FBXW7: variants seen among roughly 807,000 people sequenced by gnomAD.
FBXW7 encodes the protein F-box and WD repeat domain containing 7.
Under a neutral mutation model 86.3 loss-of-function variants are expected in FBXW7, and 11 were observed. The observed-to-expected ratio is 0.13, with a 90% CI of 0.08 to 0.21. The LOEUF (loss-of-function observed/expected upper bound fraction) is 0.21. Among genes scored for constraint, FBXW7 ranks in the 10% least tolerant of loss-of-function variants. FBXW7 has a pLI of 1.00. For synonymous variants in FBXW7, 313 were observed against 297.9 expected, an observed-to-expected ratio of 1.05 and a Z score of -0.52; for missense variants, 488 against 847.4, an observed-to-expected ratio of 0.58 and a Z score of 5.27.
intron 4 of FBXW7, among the ~76,000 whole-genome samples, chr4:152,378,559 C>T (rs1008304708): frequency 2.0e-5 from 3 of 152,150 alleles, no homozygotes; most frequent in Non-Finnish European, 4.4e-5. Context: ...AATAAACCAA[C>T]AATTGCATGT....
intron 2 of FBXW7, among the ~76,000 whole-genome samples, chr4:152,431,396 C>A (rs914148328): frequency 6.6e-5 from 10 of 152,122 alleles, no homozygotes; most frequent in African/African-American, 2.4e-4. Flanking sequence ...GAAAAAAAAG[C>A]TGATTTGTTA....
intron 2 of FBXW7, among the ~76,000 whole-genome samples, chr4:152,463,341 A>G (rs1743128939): frequency 6.6e-6 from 1 of 152,088 alleles, no homozygotes; most frequent in African/African-American, 2.4e-5. Flanking sequence ...GTCACCAGAA[A>G]CTTCGTTGTA....
intron 2 of FBXW7, among the ~76,000 whole-genome samples, chr4:152,420,318 C>T (rs1388900959): frequency 6.6e-6 from 1 of 152,164 alleles, no homozygotes; most frequent in Non-Finnish European, 1.5e-5. Context: ...ACTTCTCTTG[C>T]TATTTCTACC....
At chr4:152,481,361 A>G (rs1744859595) in intron 2 of FBXW7, among the ~76,000 whole-genome samples, 1 of 152,182 alleles carries the variant, frequency 6.6e-6, no homozygotes, top group Admixed American at 6.5e-5. Flanking sequence ...GCTCACTGAC[A>G]TTGCTCATTG....
At chr4:152,449,903 A>C (rs1741755832) in intron 2 of FBXW7, among the ~76,000 whole-genome samples, 1 of 152,246 alleles carries the variant, frequency 6.6e-6, no homozygotes, top group African/African-American at 2.4e-5. Context: ...ACTGTAACTT[A>C]AATGAACATT....
chr4:152,385,355 G>C (rs1735438917), intron 4 of FBXW7, among the ~76,000 whole-genome samples: 2 of 151,884 alleles, frequency 1.3e-5, no homozygotes, highest in South Asian at 4.1e-4. Flanking sequence ...GGTTAATAAA[G>C]ATAATGTATT....
intron 2 of FBXW7, among the ~76,000 whole-genome samples, chr4:152,527,725 A>G (rs1240343649): frequency 6.6e-6 from 1 of 152,104 alleles, no homozygotes; most frequent in Non-Finnish European, 1.5e-5. Context: ...GGCTGCAGTG[A>G]GCAAGGATCA....
At chr4:152,339,184 T>A (rs898538301) in intron 6 of FBXW7, among the ~76,000 whole-genome samples, 4 of 152,222 alleles carry the variant, frequency 2.6e-5, no homozygotes, top group Non-Finnish European at 4.4e-5. Flanking sequence ...ATGTTAAAGA[T>A]ATACAGGTTC....
chr4:152,460,966 T>C (rs969815569), intron 2 of FBXW7, among the ~76,000 whole-genome samples: 2 of 152,220 alleles, frequency 1.3e-5, no homozygotes, highest in African/African-American at 2.4e-5. Flanking sequence ...CTTTAACTGA[T>C]TCTTTTGCCA....
At chr4:152,344,579 A>T (rs879884399) in intron 6 of FBXW7, among the ~76,000 whole-genome samples, 18 of 151,794 alleles carry the variant, frequency 1.2e-4, no homozygotes, top group Non-Finnish European at 2.5e-4. Context: ...GAATGCATCT[A>T]AAAAAACTAT....
At chr4:152,353,063 G>T in intron 4 of FBXW7, 1 of 1,044,096 alleles carries the variant, frequency 9.6e-7, no homozygotes, top group East Asian at 4.4e-5. Flanking sequence ...TTTGTATTTT[G>T]TAAAACCTGC....
intron 2 of FBXW7, among the ~76,000 whole-genome samples, chr4:152,414,733 T>A (rs1397279900): frequency 2.6e-5 from 4 of 152,096 alleles, no homozygotes; most frequent in African/African-American, 7.2e-5. Flanking sequence ...TCTGGCAGTG[T>A]CTTTCAAGGT....
chr4:152,466,936 C>G (rs982229851), intron 2 of FBXW7, among the ~76,000 whole-genome samples: 1 of 151,384 alleles, frequency 6.6e-6, no homozygotes, highest in African/African-American at 2.4e-5. Context: ...AGCGAGATTC[C>G]GTCTCAAAAT....
chr4:152,427,130 A>C (rs1269742121), intron 2 of FBXW7, among the ~76,000 whole-genome samples: 1 of 152,206 alleles, frequency 6.6e-6, no homozygotes, highest in Non-Finnish European at 1.5e-5. Flanking sequence ...AGATAAAATT[A>C]GGATTAAATT....
At chr4:152,364,319 C>A (rs1733260005) in intron 4 of FBXW7, among the ~76,000 whole-genome samples, 1 of 152,080 alleles carries the variant, frequency 6.6e-6, no homozygotes, top group Non-Finnish European at 1.5e-5. Context: ...TGCTTTATTT[C>A]CCTAAAATAT....
At chr4:152,378,727 G>C (rs1038466955) in intron 4 of FBXW7, among the ~76,000 whole-genome samples, 2 of 152,158 alleles carry the variant, frequency 1.3e-5, no homozygotes, top group Admixed American at 6.5e-5. Context: ...ATTATGCCGG[G>C]CATGGTGGTT....
chr4:152,395,158 TCA>T (rs912077387), intron 4 of FBXW7, among the ~76,000 whole-genome samples: 1 of 152,054 alleles, frequency 6.6e-6, no homozygotes, highest in African/African-American at 2.4e-5. Context: ...TTTGCAAACT[TCA>T]GTTTACATGA....
chr4:152,373,493 C>T (rs1030346894), intron 4 of FBXW7, among the ~76,000 whole-genome samples: 2 of 151,962 alleles, frequency 1.3e-5, no homozygotes, highest in Admixed American at 6.6e-5. Flanking sequence ...ACTCTAGGTG[C>T]TCAATACGTA....
Position 152,328,470 on chromosome 4 carries a change from G to A in FBXW7, c.1237-81C>T, listed in dbSNP as rs1005290138. 4.3e-6 allele frequency: 4 copies of A among 930,356 alleles called. No homozygotes were observed. The African/African-American group carries it at 5.2e-5, about 12-fold the overall frequency. 57.6% of individuals were successfully genotyped at this position (930,356 alleles called of 1,614,324 possible). On this transcript the variant is annotated intron_variant, in intron 10 of 13. Coordinates refer to ENST00000281708, the MANE Select transcript of FBXW7 (RefSeq NM_001349798.2). ...AAAATTTAATAGCTCATTAAAATTT[G>A]GAGTAAAGTTACTTATTTAATTTGT...
Sources: gnomAD v4.1 joint callset for allele counts (sites outside exome capture counted in the v4.1 genomes callset) on GRCh38, gnomAD v4.1.1 for gene constraint, MANE v1.5 for transcripts, NCBI Gene and HGNC (gene_info 2026-07-23, HGNC 2026-07-21) for gene names.